The following ATXN7 variants were observed in gnomAD, a reference collection of about 807,000 sequenced individuals.
ATXN7 encodes ataxin 7, also known as ataxin-7.
In ATXN7, 12 loss-of-function variants were observed where a neutral mutation model predicts 70.5. The observed-to-expected ratio is 0.17, with a 90% confidence interval of 0.11 to 0.28. ATXN7 has a LOEUF of 0.28. Ranked by LOEUF, ATXN7 falls within the 10% of genes least tolerant of loss-of-function variation. The probability of loss-of-function intolerance (pLI) is 1.00; values close to 1 mark genes in which losing one functional copy is unlikely to be tolerated. For synonymous variants in ATXN7, 498 were observed against 448.7 expected (o/e 1.11, Z -1.39); for missense variants, 1,256 against 1,131.7 (o/e 1.11, Z -1.58).
chr3:63,990,299 C>T lies in ATXN7; in HGVS notation c.1485C>T (p.Gly495=), dbSNP rs750239294. ...CTTCTCGGTTATCCAGTGAGGAGGGCGAAGGCGATGACAAAGAAGAGTCTG... is the reference window on the plus strand; with the variant it reads ...CTTCTCGGTTATCCAGTGAGGAGGGTGAAGGCGATGACAAAGAAGAGTCTG... ...EPASRLSSEE[G]EGDDKEESVE... The change falls in exon 10 of 13, where the codon GGC becomes GGT. Residue 495 remains glycine, a synonymous_variant. Coordinates refer to ENST00000674280, the MANE Select transcript of ATXN7 (RefSeq NM_001377405.1). The T allele has an allele frequency of 3.7e-6, 6 of 1,613,980 alleles. No homozygotes were observed. Among genetic ancestry groups the T allele is most frequent in the South Asian group, 1.1e-5 (1 of 91,084 alleles).
chr3:63,960,433 T>C (rs2075109481), intron 5 of ATXN7, among the ~76,000 whole-genome samples: 1 of 152,138 alleles, frequency 6.6e-6, no homozygotes, highest in Admixed American at 6.5e-5. Flanking sequence ...ACGTGGTTGC[T>C]GTATGGAACA....
At chr3:63,876,339 C>A (rs1306269873) in intron 1 of ATXN7, among the ~76,000 whole-genome samples, 1 of 152,120 alleles carries the variant, frequency 6.6e-6, no homozygotes, top group African/African-American at 2.4e-5. Context: ...GCTCAATTCT[C>A]TGTGTCCTCC....
chr3:63,965,520 A>G (rs980311207), intron 5 of ATXN7, among the ~76,000 whole-genome samples: 2 of 152,172 alleles, frequency 1.3e-5, no homozygotes, highest in African/African-American at 4.8e-5. Flanking sequence ...CAGCTGATAC[A>G]TATAATTTTC....
At chr3:63,885,714 A>G (rs1312531374) in intron 1 of ATXN7, among the ~76,000 whole-genome samples, 1 of 152,170 alleles carries the variant, frequency 6.6e-6, no homozygotes, top group African/African-American at 2.4e-5. Context: ...GGATGAATGG[A>G]TACAGAAAAT....
chr3:63,870,489 CTT>C (rs1438538071), intron 1 of ATXN7, among the ~76,000 whole-genome samples: 1 of 152,168 alleles, frequency 6.6e-6, no homozygotes, highest in African/African-American at 2.4e-5. Flanking sequence ...TGCCTCATCT[CTT>C]TGGATAGGAT....
chr3:63,964,267 A>G (rs1048739992), intron 5 of ATXN7, among the ~76,000 whole-genome samples: 1 of 152,204 alleles, frequency 6.6e-6, no homozygotes, highest in Non-Finnish European at 1.5e-5. Flanking sequence ...GGAAGTTTCT[A>G]TTCATTCTGT....
At chr3:63,874,262 G>A (rs1217855842) in intron 1 of ATXN7, among the ~76,000 whole-genome samples, 4 of 152,098 alleles carry the variant, frequency 2.6e-5, no homozygotes, top group Non-Finnish European at 5.9e-5. Flanking sequence ...TAAAGTTTAT[G>A]GTCTCTGCAC....
upstream of ATXN7, chr3:63,863,552 G>T: frequency 3.3e-6 from 4 of 1,196,248 alleles, no homozygotes; most frequent in Non-Finnish European, 4.1e-6. Context: ...AAAGCCGAGG[G>T]TCTCCGAGGG....
At chr3:63,937,290 C>T (rs1315912594) in intron 4 of ATXN7, among the ~76,000 whole-genome samples, 4 of 152,146 alleles carry the variant, frequency 2.6e-5, no homozygotes, top group African/African-American at 9.7e-5. Context: ...TGTTGGTTTC[C>T]ATTTATTAGC....
chr3:63,971,107 T>A (rs1001395460), intron 5 of ATXN7, among the ~76,000 whole-genome samples: 4 of 152,240 alleles, frequency 2.6e-5, no homozygotes, highest in Non-Finnish European at 5.9e-5. Flanking sequence ...GCAGCCAGTG[T>A]TGAAATCATC....
intron 11 of ATXN7, 48 bp from the exon 12 acceptor site, chr3:63,995,457 G>C (rs114365351): frequency 1.7e-5 from 27 of 1,600,618 alleles, no homozygotes; most frequent in Non-Finnish European, 2.3e-5. Context: ...GAAAGTCTCT[G>C]TGAATGGCTG....
intron 4 of ATXN7, among the ~76,000 whole-genome samples, chr3:63,932,915 A>G (rs1363027306): frequency 1.3e-5 from 2 of 152,108 alleles, no homozygotes; most frequent in South Asian, 2.1e-4. Flanking sequence ...ACTACCACCT[A>G]GTTTTTGGTA....
rs1172843788 is a variant in ATXN7, at chr3:63,955,195, T to A, written c.499+2712T>A. 4.6e-5 allele frequency among the ~76,000 whole-genome samples: 7 copies of A among 152,140 alleles called. No homozygotes were observed. The East Asian group carries it at 1.3e-3, about 29-fold the overall frequency. On this transcript the variant is annotated intron_variant, in intron 5 of 12. Transcript: ENST00000674280. ...AGGTCTCCTGTGGCTTGGCAGGAGA[T>A]GTGACTGACAAAGCCACTAGGTAGG... is the stretch of plus-strand genomic sequence containing the variant.
intron 11 of ATXN7, among the ~76,000 whole-genome samples, chr3:63,994,647 C>G (rs1244319489): frequency 1.3e-5 from 2 of 152,242 alleles, no homozygotes; most frequent in Non-Finnish European, 2.9e-5. Flanking sequence ...TAGGCCAGCT[C>G]TCTCACTGGG....
chr3:63,967,199 G>T (rs537011143), intron 5 of ATXN7, among the ~76,000 whole-genome samples: 1 of 152,258 alleles, frequency 6.6e-6, no homozygotes, highest in Non-Finnish European at 1.5e-5. Context: ...GTTTTCAAGG[G>T]GGCACTCAGT....
intron 1 of ATXN7, among the ~76,000 whole-genome samples, chr3:63,896,241 T>G (rs1353443211): frequency 6.8e-6 from 1 of 147,574 alleles, no homozygotes; most frequent in East Asian, 2.1e-4. Flanking sequence ...AAGTTAGGTC[T>G]TCTTTCTTTC....
intron 5 of ATXN7, among the ~76,000 whole-genome samples, chr3:63,972,229 G>A (rs778460200): frequency 6.6e-5 from 10 of 152,184 alleles, no homozygotes; most frequent in East Asian, 1.9e-4. Flanking sequence ...TGATACATGC[G>A]TTGTTACTTA....
chr3:63,948,710 T>G (rs1308396246), intron 4 of ATXN7, among the ~76,000 whole-genome samples: 3 of 152,190 alleles, frequency 2.0e-5, no homozygotes, highest in African/African-American at 7.2e-5. Context: ...TCCATATACA[T>G]GTGCTCAAGT....
chr3:63,973,381 C>T (rs2075344716), intron 5 of ATXN7, among the ~76,000 whole-genome samples: 1 of 152,016 alleles, frequency 6.6e-6, no homozygotes, highest in African/African-American at 2.4e-5. Flanking sequence ...CCAGCCTTAC[C>T]CTATTGAGCA....
Sources: allele counts gnomAD v4.1 joint callset (sites outside exome capture counted in the v4.1 genomes callset), GRCh38; gene constraint gnomAD v4.1.1; transcripts MANE v1.5; gene names NCBI Gene and HGNC (gene_info 2026-07-23, HGNC 2026-07-21).